The following ANO6 variants were observed in gnomAD, a reference collection of about 807,000 sequenced individuals.
ANO6 encodes anoctamin 6, also known as anoctamin-6.
Under a neutral mutation model 117.5 loss-of-function variants are expected in ANO6, and 106 were observed. That is an observed-to-expected ratio of 0.90 (90% CI 0.77 to 1.06). The LOEUF is 1.06. Ranked by LOEUF, ANO6 falls within the 50% of genes least tolerant of loss-of-function variation. The pLI is 0.00. For missense variants in ANO6, 955 were observed against 1,121.1 expected, an observed-to-expected ratio of 0.85 and a Z score of 2.12; for synonymous variants, 367 against 385.1, an observed-to-expected ratio of 0.95 and a Z score of 0.55.
chr12:45,296,222 G>A (rs1327266587), intron 1 of ANO6, among the ~76,000 whole-genome samples: 3 of 152,178 alleles, frequency 2.0e-5, no homozygotes, highest in Non-Finnish European at 2.9e-5. Context: ...ACAAGACAGC[G>A]TGGCAGATCT....
rs147836350 is a variant in ANO6, at chr12:45,429,522, C to G, written c.*211C>G. Reference sequence around the variant, plus strand: ...CATGAAGGGCATAAAACTTATCACCCGGAAAACCTCAATGTTACCTTTTTC... The same window carrying G: ...CATGAAGGGCATAAAACTTATCACCGGGAAAACCTCAATGTTACCTTTTTC... On this transcript the variant is annotated 3_prime_UTR_variant, in exon 20 of 20. Coordinates refer to ENST00000320560, the MANE Select transcript of ANO6 (RefSeq NM_001025356.3). 1 of 1,365,792 alleles carries G rather than the reference C, an allele frequency of 7.3e-7. No individual in the cohort carries two copies. The allele number at this position is 1,365,792 out of a possible 1,614,324, so 84.6% of individuals were successfully genotyped here.
At chr12:45,418,085 T>A (rs995107443) in intron 17 of ANO6, among the ~76,000 whole-genome samples, 47 of 152,188 alleles carry the variant, frequency 3.1e-4, no homozygotes, top group African/African-American at 1.1e-3. Flanking sequence ...TTAGCTGCTG[T>A]TATTTTATCA....
At chr12:45,425,542 T>A (rs1388718304) in intron 19 of ANO6, among the ~76,000 whole-genome samples, 2 of 152,184 alleles carry the variant, frequency 1.3e-5, no homozygotes, top group African/African-American at 4.8e-5. Context: ...GGAGTAAGCT[T>A]TTCAACAGTA....
chr12:45,318,643 T>C (rs1350189637), intron 2 of ANO6, among the ~76,000 whole-genome samples: 6 of 152,174 alleles, frequency 3.9e-5, no homozygotes, highest in Admixed American at 6.5e-5. Context: ...TAAAGTAGTT[T>C]TTTCCAATTC....
At position 45,367,654 on chromosome 12, in the gene ANO6, T is replaced by G. The variant is rs769302814; in HGVS notation, c.999-34T>G. The G allele has an allele frequency of 2.5e-6, 4 of 1,568,730 alleles. No homozygotes were observed. In the South Asian group the frequency reaches 3.4e-5, roughly 13 times the overall value. ...TAGATTTTATCATGCTGCTTTAAAT[T>G]TTTTAAAATTAAGTTTTATTTCTCT... On this transcript the variant is annotated intron_variant, in intron 8 of 19. Coordinates refer to ENST00000320560, the MANE Select transcript of ANO6 (RefSeq NM_001025356.3).
chr12:45,252,569 A>G (rs563007575), intron 1 of ANO6, among the ~76,000 whole-genome samples: 2 of 152,292 alleles, frequency 1.3e-5, no homozygotes, highest in East Asian at 3.9e-4. Flanking sequence ...GGTACATGCT[A>G]AAATTTGGCT....
At chr12:45,292,638 A>G (rs1353974009) in intron 1 of ANO6, 1 of 1,160,832 alleles carries the variant, frequency 8.6e-7, no homozygotes, top group Non-Finnish European at 1.1e-6. Context: ...AGCTCTTCCA[A>G]AGGACGCATG....
intron 1 of ANO6, among the ~76,000 whole-genome samples, chr12:45,261,910 A>G (rs1377049410): frequency 6.6e-6 from 1 of 152,230 alleles, no homozygotes; most frequent in African/African-American, 2.4e-5. Context: ...TTTCACTTAA[A>G]TGGCATGTTT....
In ANO6 at chr12:45,332,122, G is replaced by C. The variant is rs552978181; in HGVS notation, c.279+699G>C. ...TCAGGATATTAAAACAGTAGGGCAG[G>C]TTTATAAACAACTCCCTGGAACGTT... On this transcript the variant is annotated intron_variant, in intron 3 of 19. Coordinates refer to ENST00000320560, the MANE Select transcript of ANO6 (RefSeq NM_001025356.3). Among the ~76,000 whole-genome samples, 14 of 152,068 alleles carry C rather than the reference G, an allele frequency of 9.2e-5. No individual in the cohort carries two copies. In the South Asian group the frequency reaches 1.5e-3, roughly 16 times the overall value.
Position 45,317,113 on chromosome 12 carries a change from G to GTGTGTGTATATATATATACATATATA in ANO6, c.151-14181_151-14180insGTGTGTATATATATATACATATATAT. ...AAAGACAGCTGGATTCTTTTTATAT[G>GTGTGTGTATATATATATACATATATA]TATATATATATATATATATTTATTA... is the stretch of plus-strand genomic sequence containing the variant. On this transcript the variant is annotated intron_variant, in intron 2 of 19. Transcript: ENST00000320560. Among the ~76,000 whole-genome samples, 2 of 66,448 alleles carry GTGTGTGTATATATATATACATATATA rather than the reference G, an allele frequency of 3.0e-5. 1 individual carries two copies. The highest frequency in any genetic ancestry group is 7.4e-5 in the Non-Finnish European group (2 of 27,182). The allele number at this position is 66,448 out of a possible 152,430, so 43.6% of individuals were successfully genotyped here.
intron 1 of ANO6, among the ~76,000 whole-genome samples, chr12:45,232,154 G>A (rs901823787): frequency 3.3e-5 from 5 of 152,078 alleles, no homozygotes; most frequent in Admixed American, 2.6e-4. Flanking sequence ...AAGGTGTAGA[G>A]ATAAGGAAGC....
At chr12:45,384,756 G>A (rs1486293949) in intron 10 of ANO6, among the ~76,000 whole-genome samples, 2 of 152,136 alleles carry the variant, frequency 1.3e-5, no homozygotes, top group East Asian at 3.9e-4. Flanking sequence ...CAATAATAAT[G>A]AAAAATTTGA....
At chr12:45,232,065 A>G (rs1947581706) in intron 1 of ANO6, among the ~76,000 whole-genome samples, 1 of 152,238 alleles carries the variant, frequency 6.6e-6, no homozygotes, top group Non-Finnish European at 1.5e-5. Context: ...AGTCATGTGC[A>G]TAGAGATTTC....
chr12:45,434,772 T>C (rs895913873), downstream of ANO6, among the ~76,000 whole-genome samples: 7 of 152,200 alleles, frequency 4.6e-5, no homozygotes, highest in South Asian at 2.1e-4. Flanking sequence ...AGCAAACATA[T>C]GTAAGGAGCA....
rs926007435 is a variant in ANO6, at chr12:45,431,953, A to G, written c.*2642A>G. ...CATCCCTCAGATAATTTAGCTATAT[A>G]TCATTAGAAAGGGAAAGCTATCATT... On this transcript the variant is annotated 3_prime_UTR_variant, in exon 20 of 20. Transcript: ENST00000320560. 37 of 985,170 alleles carry G rather than the reference A, an allele frequency of 3.8e-5. No homozygotes were observed. The highest frequency in any genetic ancestry group is 3.5e-5 in the Non-Finnish European group (29 of 829,778). 61.0% of individuals were successfully genotyped at this position (985,170 alleles called of 1,614,324 possible). A position where few individuals can be genotyped will look rare whatever the true frequency, so the allele number is the denominator to read the frequency against.
In ANO6 at chr12:45,403,092, G is replaced by A; in HGVS notation, c.1633G>A (p.Asp545Asn). ...TACAGAACTCCCAAGGACCCAGACTGATTATGAGAACAGCCTCACCATGAA... is the reference window on the plus strand; with the variant it reads ...TACAGAACTCCCAAGGACCCAGACTAATTATGAGAACAGCCTCACCATGAA... Reference protein sequence around the residue: ...TNFELPRTQTDYENSLTMKMF... With the variant: ...TNFELPRTQTNYENSLTMKMF... The change falls in exon 14 of 20, where the codon GAT becomes AAT. Residue 545 changes from aspartate to asparagine, a missense_variant. Physicochemically the swap from Asp to Asn is conservative, Grantham distance 23 (BLOSUM62 1). Coordinates refer to ENST00000320560, the MANE Select transcript of ANO6 (RefSeq NM_001025356.3). The A allele has an allele frequency of 6.2e-7, 1 of 1,613,948 alleles. No homozygotes were observed. The highest frequency in any genetic ancestry group is 1.1e-5 in the South Asian group (1 of 91,072).
chr12:45,323,520 A>G (rs1475241624), intron 2 of ANO6, among the ~76,000 whole-genome samples: 1 of 152,248 alleles, frequency 6.6e-6, no homozygotes, highest in African/African-American at 2.4e-5. Flanking sequence ...CTATTAAGGT[A>G]GAGAATACCA....
chr12:45,394,506 T>C (rs1402944688), intron 12 of ANO6, among the ~76,000 whole-genome samples: 1 of 152,224 alleles, frequency 6.6e-6, no homozygotes, highest in Non-Finnish European at 1.5e-5. Flanking sequence ...AATGGACATC[T>C]ACAGAACTCT....
chr12:45,394,577 T>C (rs1942555824), intron 12 of ANO6, among the ~76,000 whole-genome samples: 1 of 152,206 alleles, frequency 6.6e-6, no homozygotes, highest in Non-Finnish European at 1.5e-5. Flanking sequence ...ATTCTAAAAT[T>C]GACCACATAA....
Sources: allele counts gnomAD v4.1 joint callset (sites outside exome capture counted in the v4.1 genomes callset), GRCh38; gene constraint gnomAD v4.1.1; transcripts MANE v1.5; gene names NCBI Gene and HGNC (gene_info 2026-07-23, HGNC 2026-07-21).